RBFOX1: variants seen among roughly 807,000 people sequenced by gnomAD.
RBFOX1 encodes the protein RNA binding protein fox-1 homolog 1.
RBFOX1 carries 8 observed loss-of-function variants against 57.7 expected under a neutral mutation model. That is an observed-to-expected ratio of 0.14 (90% CI 0.08 to 0.25). The LOEUF (loss-of-function observed/expected upper bound fraction) is 0.25. Among genes scored for constraint, RBFOX1 ranks in the 10% least tolerant of loss-of-function variants. RBFOX1 has a pLI of 1.00. For missense variants in RBFOX1, 611 were observed against 548.5 expected (o/e 1.11, Z -1.14); for synonymous variants, 326 against 222.4 (o/e 1.47, Z -4.15).
intron 3 of RBFOX1, among the ~76,000 whole-genome samples, chr16:6,898,908 TTTG>T (rs2067687485): frequency 6.6e-6 from 1 of 150,432 alleles, no homozygotes; most frequent in African/African-American, 2.5e-5. Context: ...CTCGTATGTG[TTTG>T]TGCATATGTG....
intron 4 of RBFOX1, among the ~76,000 whole-genome samples, chr16:7,423,882 C>G (rs2098575393): frequency 1.3e-5 from 2 of 152,148 alleles, no homozygotes; most frequent in Admixed American, 1.3e-4. Flanking sequence ...CATGAGCTGT[C>G]TTTACCAGCC....
At chr16:7,332,682 C>A in intron 4 of RBFOX1, 1 of 823,050 alleles carries the variant, frequency 1.2e-6, no homozygotes, top group Non-Finnish European at 1.6e-6. Flanking sequence ...GTCTCTCTCT[C>A]TCTCTGAGAA....
intron 4 of RBFOX1, among the ~76,000 whole-genome samples, chr16:7,435,681 C>A (rs1018972922): frequency 1.3e-5 from 2 of 152,178 alleles, no homozygotes; most frequent in Non-Finnish European, 2.9e-5. Flanking sequence ...ACATTGCCTG[C>A]CCCCGAAGCT....
chr16:7,362,546 T>C (rs527672108), intron 4 of RBFOX1, among the ~76,000 whole-genome samples: 96 of 151,356 alleles, frequency 6.3e-4, no homozygotes, highest in African/African-American at 2.1e-3. Flanking sequence ...GTGTAGATGT[T>C]AGTGTGTGGA....
In RBFOX1 at chr16:5,826,309, G is replaced by C. The variant is rs184749705; in HGVS notation, c.319-40994G>C. ...GTGCCCCTCAAGTGTGAATTGTGAA[G>C]CAAACCACAGTTGTATTAGCAGTAC... On this transcript the variant is annotated intron_variant, in intron 3 of 19. Coordinates refer to the RBFOX1 transcript ENST00000641259. 3.2e-4 allele frequency among the ~76,000 whole-genome samples: 49 copies of C among 152,166 alleles called. 1 individual carries two copies. Among genetic ancestry groups the C allele is most frequent in the Admixed American group, 2.9e-3 (44 of 15,286 alleles).
intron 4 of RBFOX1, among the ~76,000 whole-genome samples, chr16:7,507,624 C>T (rs986678722): frequency 3.8e-5 from 5 of 130,040 alleles, no homozygotes; most frequent in Non-Finnish European, 6.3e-5. Flanking sequence ...AGTGCAGTGG[C>T]GCGATCTTGG....
chr16:7,470,198 C>G lies in RBFOX1; in HGVS notation c.28-47949C>G, dbSNP rs1057025381. Among the ~76,000 whole-genome samples the G allele has an allele frequency of 1.3e-5, 2 of 152,204 alleles. 1 individual carries two copies. Among genetic ancestry groups the G allele is most frequent in the South Asian group, 4.1e-4 (2 of 4,830 alleles). On this transcript the variant is annotated intron_variant, in intron 4 of 15. Transcript: ENST00000550418. ...TACCCCAGGTGCACCCTTGGGTCATCTCTATCATAGAACTTATCTCACAGA... is the reference window on the plus strand; with the variant it reads ...TACCCCAGGTGCACCCTTGGGTCATGTCTATCATAGAACTTATCTCACAGA...
rs77484254 is a variant in RBFOX1 at position 5,838,508 on chromosome 16, C to T, written c.319-28795C>T. 8.8e-3 allele frequency: 1,362 copies of T among 155,460 alleles called. 17 individuals carry two copies. Among genetic ancestry groups the T allele is most frequent in the African/African-American group, 0.031 (1,302 of 41,568 alleles). The allele number at this position is 155,460 out of a possible 1,614,324, so 9.6% of individuals were successfully genotyped here. A position where few individuals can be genotyped will look rare whatever the true frequency, so the allele number is the denominator to read the frequency against. On this transcript the variant is annotated intron_variant, in intron 3 of 19. Coordinates refer to the RBFOX1 transcript ENST00000641259. ...TAGGATGCTGCAGATGAGCCGGGAA[C>T]GGGAAACTTGCTATCTCATGTGCTT...
In RBFOX1 at chr16:7,287,903, C is replaced by T. The variant is rs1475038070; in HGVS notation, c.28-230244C>T. On this transcript the variant is annotated intron_variant, in intron 4 of 15. Transcript: ENST00000550418. ...TCTGCTTCTTAAGCTGTTTTTCCCT[C>T]GGTGTATTTTCAAAATACACATAGT... Among the ~76,000 whole-genome samples, 7 of 152,294 alleles carry T rather than the reference C, an allele frequency of 4.6e-5. No homozygotes were observed. In the South Asian group the frequency reaches 8.3e-4, roughly 18 times the overall value.
At chr16:6,424,620 C>CATGTGTGTGTGTGTGTGT (rs1555466658) in intron 2 of RBFOX1, among the ~76,000 whole-genome samples, 7 of 150,592 alleles carry the variant, frequency 4.6e-5, no homozygotes, top group Non-Finnish European at 1.0e-4. Flanking sequence ...TGTGTGTGTG[C>CATGTGTGTGTGTGTGTGT]GTGTGTGTGA....
chr16:5,668,759 C>G (rs569326562), intron 3 of RBFOX1, among the ~76,000 whole-genome samples: 4 of 152,162 alleles, frequency 2.6e-5, no homozygotes, highest in Non-Finnish European at 4.4e-5. Context: ...GTTTTAGGTG[C>G]CTGGTCTAAC....
chr16:7,112,399 G>C (rs1302396682), intron 4 of RBFOX1, among the ~76,000 whole-genome samples: 2 of 143,738 alleles, frequency 1.4e-5, no homozygotes, highest in African/African-American at 5.1e-5. Context: ...TTTTTGTAGA[G>C]ACGTGGTTTC....
intron 1 of RBFOX1, among the ~76,000 whole-genome samples, chr16:6,269,413 G>A (rs148936171): frequency 1.6e-4 from 24 of 152,266 alleles, no homozygotes; most frequent in African/African-American, 4.6e-4. Context: ...CAGATTAACT[G>A]AAGGAAATCC....
chr16:6,537,845 A>G (rs1204653564), intron 2 of RBFOX1, among the ~76,000 whole-genome samples: 2 of 152,042 alleles, frequency 1.3e-5, no homozygotes, highest in Non-Finnish European at 2.9e-5. Context: ...TTTTCTTTAT[A>G]TATAGAAAAA....
At chr16:6,948,696 T>C (rs921231577) in intron 3 of RBFOX1, among the ~76,000 whole-genome samples, 18 of 152,134 alleles carry the variant, frequency 1.2e-4, no homozygotes, top group African/African-American at 2.2e-4. Flanking sequence ...GTCAGTCTTA[T>C]CAGAAACTCC....
At chr16:6,346,963 T>A (rs1047251965) in intron 2 of RBFOX1, among the ~76,000 whole-genome samples, 1 of 152,122 alleles carries the variant, frequency 6.6e-6, no homozygotes, top group Non-Finnish European at 1.5e-5. Flanking sequence ...TTTCAATGTG[T>A]GTTGTAAGGT....
intron 4 of RBFOX1, chr16:7,510,102 G>A (rs748640176): frequency 2.0e-6 from 2 of 982,136 alleles, no homozygotes; most frequent in Non-Finnish European, 2.4e-6. Flanking sequence ...GTGCCATCTG[G>A]GTTGGTTTTG....
At chr16:7,220,020 G>C (rs2092601615) in intron 4 of RBFOX1, among the ~76,000 whole-genome samples, 1 of 152,120 alleles carries the variant, frequency 6.6e-6, no homozygotes, top group Admixed American at 6.6e-5. Context: ...GTTCGATTAA[G>C]CCTTCATTTT....
chr16:6,842,067 C>T (rs923947650), intron 3 of RBFOX1, among the ~76,000 whole-genome samples: 9 of 151,470 alleles, frequency 5.9e-5, no homozygotes, highest in African/African-American at 9.7e-5. Flanking sequence ...GGCGTGAACC[C>T]GGGAGGCGGA....
Sources: gnomAD v4.1 joint callset for allele counts (sites outside exome capture counted in the v4.1 genomes callset) on GRCh38, gnomAD v4.1.1 for gene constraint, MANE v1.5 for transcripts, NCBI Gene and HGNC (gene_info 2026-07-23, HGNC 2026-07-21) for gene names.